SLC13A5: variants seen among roughly 807,000 people sequenced by gnomAD.
SLC13A5 encodes the protein solute carrier family 13 member 5, also known as Na(+)/citrate cotransporter.
Under a neutral mutation model 56.5 loss-of-function variants are expected in SLC13A5, and 25 were observed. The ratio of observed to expected loss-of-function variants is 0.44; its 90% confidence interval spans 0.32 to 0.62. SLC13A5 has a LOEUF of 0.62. Among genes scored for constraint, SLC13A5 ranks in the 20% least tolerant of loss-of-function variants. SLC13A5 has a pLI of 0.04. For missense variants in SLC13A5, 649 were observed against 737.8 expected (o/e 0.88, Z 1.39); for synonymous variants, 307 against 301.5 (o/e 1.02, Z -0.19).
chr17:6,693,003 G>T, intron 9 of SLC13A5, 41 bp downstream of exon 9: 3 of 1,501,306 alleles, frequency 2.0e-6, no homozygotes, highest in Non-Finnish European at 2.8e-6. Flanking sequence ...CCCTCTTGAC[G>T]AAGAAGAGGG....
Position 6,693,394 on chromosome 17 carries a change from G to A in SLC13A5, c.1157-232C>T, listed in dbSNP as rs555830848. ...TATTACACACACTGCCAATAGCATCGTAAATTGGTATGACCTTTTTGAAAA... is the reference window on the plus strand; with the variant it reads ...TATTACACACACTGCCAATAGCATCATAAATTGGTATGACCTTTTTGAAAA... On this transcript the variant is annotated intron_variant, in intron 8 of 11. Coordinates refer to ENST00000433363, the MANE Select transcript of SLC13A5 (RefSeq NM_177550.5). 21 of 397,586 alleles carry A rather than the reference G, an allele frequency of 5.3e-5. 1 individual carries two copies. The highest frequency in any genetic ancestry group is 2.1e-4 in the African/African-American group (10 of 47,904). The allele number at this position is 397,586 out of a possible 1,614,324, so 24.6% of individuals were successfully genotyped here. A position where few individuals can be genotyped will look rare whatever the true frequency, so the allele number is the denominator to read the frequency against.
rs1023124233 is a variant in SLC13A5 at position 6,711,316 on chromosome 17, G to A, written c.102+1916C>T. Among the ~76,000 whole-genome samples, 6 of 152,096 alleles carry A rather than the reference G, an allele frequency of 3.9e-5. No homozygotes were observed. Among genetic ancestry groups the A allele is most frequent in the East Asian group, 3.9e-4 (2 of 5,178 alleles). On this transcript the variant is annotated intron_variant, in intron 1 of 11. Transcript: ENST00000433363. The surrounding 1 kb of genome is among the most constrained non-coding windows in gnomAD (Gnocchi z 4.0). The stretch of plus-strand genomic sequence containing the variant: ...AGGTCCAGGGTCCTCACCCAACCCC[G>A]CCAGAAGGAAAGCTCGTGAAGGCAG...
Position 6,687,669 on chromosome 17 carries a change from G to A in SLC13A5, c.1438-3C>T. 6.3e-7 allele frequency: 1 copy of A among 1,590,148 alleles called. No individual in the cohort carries two copies. Among genetic ancestry groups the A allele is most frequent in the East Asian group, 2.3e-5 (1 of 44,092 alleles). On this transcript the variant is annotated splice_region_variant and splice_polypyrimidine_tract_variant and intron_variant, in intron 10 of 11. Transcript: ENST00000433363. This position sits in a 1 kb window ranked among gnomAD's most constrained non-coding sequence, Gnocchi z 5.0. ...GGATTGAGGCCGATGGAGCGAGACT[G>A]CGGAAAAACAGCACTGCAACATCAC... is the stretch of plus-strand genomic sequence containing the variant.
At chr17:6,698,950 G>A (rs2151490119) in intron 6 of SLC13A5, among the ~76,000 whole-genome samples, 1 of 151,800 alleles carries the variant, frequency 6.6e-6, no homozygotes, top group Admixed American at 6.6e-5. Flanking sequence ...GCTGAGGCAG[G>A]GGGAATTGCT....
At position 6,692,269 on chromosome 17, in the gene SLC13A5, A is replaced by ATGGT. The variant is rs1555541182; in HGVS notation, c.1275+774_1275+775insACCA. Among the ~76,000 whole-genome samples, 33 of 151,962 alleles carry ATGGT rather than the reference A, an allele frequency of 2.2e-4. No individual in the cohort carries two copies. Among genetic ancestry groups the ATGGT allele is most frequent in the African/African-American group, 7.2e-4 (30 of 41,382 alleles). ...GATGGATGGATGGATGGATGGATGG[A>ATGGT]TGGATGGACGGATGGACGGACGGAT... On this transcript the variant is annotated intron_variant, in intron 9 of 11. Coordinates refer to ENST00000433363, the MANE Select transcript of SLC13A5 (RefSeq NM_177550.5). This position sits in a 1 kb window ranked among gnomAD's most constrained non-coding sequence, Gnocchi z 5.5.
At chr17:6,703,399 A>T (rs1973771577) in intron 4 of SLC13A5, among the ~76,000 whole-genome samples, 1 of 152,234 alleles carries the variant, frequency 6.6e-6, no homozygotes, top group South Asian at 2.1e-4. Flanking sequence ...TGGTAAGGGA[A>T]CACGGCAGAC....
At chr17:6,698,476 G>A (rs1331105767) in intron 6 of SLC13A5, among the ~76,000 whole-genome samples, 6 of 152,194 alleles carry the variant, frequency 3.9e-5, no homozygotes, top group Non-Finnish European at 7.3e-5. Flanking sequence ...GGGTTCTAGG[G>A]CAGCCCCGGC....
chr17:6,693,988 C>T (rs1973487186), intron 8 of SLC13A5, 109 bp downstream of exon 8: 1 of 561,268 alleles, frequency 1.8e-6, no homozygotes, highest in Non-Finnish European at 2.9e-6. Context: ...AGCCAATCCT[C>T]TTGGATATGA....
Position 6,693,024 on chromosome 17 carries a change from C to T in SLC13A5, c.1275+20G>A, listed in dbSNP as rs370685367. 12 of 1,596,582 alleles carry T rather than the reference C, an allele frequency of 7.5e-6. No homozygotes were observed. The East Asian group carries it at 2.7e-4, about 36-fold the overall frequency. On this transcript the variant is annotated intron_variant, in intron 9 of 11. Transcript: ENST00000433363. ...TGACGAAGAAGAGGGCTCTGGGCAG[C>T]CTGTGGCTGGAGAAGTTACCTCGGA...
At chr17:6,690,969 C>A in intron 9 of SLC13A5, 29 bp from the exon 10 acceptor site, 1 of 1,572,980 alleles carries the variant, frequency 6.4e-7, no homozygotes, top group South Asian at 1.2e-5. Context: ...GCAGTCATCT[C>A]AGCGCTCCCA....
At chr17:6,696,616 G>A (rs1973568240) in intron 6 of SLC13A5, among the ~76,000 whole-genome samples, 1 of 152,140 alleles carries the variant, frequency 6.6e-6, no homozygotes, top group Admixed American at 6.5e-5. Flanking sequence ...TGAGGAGGCA[G>A]GGAGGAGAGG....
chr17:6,685,449 G>T lies in SLC13A5; in HGVS notation c.*758C>A, dbSNP rs1429927699. ...GCAAATGTTGACCCAGACAACAGGGGACCAAGGAGTTGAAGGAGGCTCACT... is the reference window on the plus strand; with the variant it reads ...GCAAATGTTGACCCAGACAACAGGGTACCAAGGAGTTGAAGGAGGCTCACT... On this transcript the variant is annotated 3_prime_UTR_variant, in exon 12 of 12. Transcript: ENST00000433363. This position sits in a 1 kb window ranked among gnomAD's most constrained non-coding sequence, Gnocchi z 4.2. The T allele has an allele frequency of 6.6e-6, 1 of 152,484 alleles. No individual in the cohort carries two copies. The highest frequency in any genetic ancestry group is 2.4e-5 in the African/African-American group (1 of 41,470). The allele number at this position is 152,484 out of a possible 1,614,324, so 9.4% of individuals were successfully genotyped here. A position where few individuals can be genotyped will look rare whatever the true frequency, so the allele number is the denominator to read the frequency against.
chr17:6,695,918 C>T lies in SLC13A5; in HGVS notation c.863G>A (p.Gly288Glu). Residue 288 changes from glycine (G) to glutamate (E), a missense_variant, in exon 7 of 12, where the codon GGG becomes GAG. Coordinates refer to ENST00000433363, the MANE Select transcript of SLC13A5 (RefSeq NM_177550.5). ...RFNFKKSWGCGLESKKNEKAA... is the reference protein window; with the variant it reads ...RFNFKKSWGCELESKKNEKAA... Reference sequence around the variant, plus strand: ...CTTCTCGTTTTTCTTGCTCTCTAGCCCGCAGCCCCAGGACTTTTTAAAACT... The same window carrying T: ...CTTCTCGTTTTTCTTGCTCTCTAGCTCGCAGCCCCAGGACTTTTTAAAACT... The T allele has an allele frequency of 1.2e-6, 2 of 1,614,002 alleles. No homozygotes were observed. Among genetic ancestry groups the T allele is most frequent in the Non-Finnish European group, 1.7e-6 (2 of 1,180,026 alleles).
intron 6 of SLC13A5, among the ~76,000 whole-genome samples, chr17:6,699,786 A>G (rs898911283): frequency 6.6e-6 from 1 of 151,822 alleles, no homozygotes; most frequent in Non-Finnish European, 1.5e-5. Flanking sequence ...TTGTATTTTT[A>G]GTAGAGACGG....
chr17:6,691,089 T>C, intron 9 of SLC13A5, 149 bp from the exon 10 acceptor site: 1 of 871,280 alleles, frequency 1.1e-6, no homozygotes, highest in Admixed American at 3.0e-5. Context: ...TTCATCCCCG[T>C]CCTCACTCTG....
Position 6,687,535 on chromosome 17 carries a change from A to T in SLC13A5, c.1569T>A (p.Ala523=). The change falls in exon 11 of 12, where the codon GCT becomes GCA. Residue 523 remains alanine, a synonymous_variant. Coordinates refer to ENST00000433363, the MANE Select transcript of SLC13A5 (RefSeq NM_177550.5). This position sits in a 1 kb window ranked among gnomAD's most constrained non-coding sequence, Gnocchi z 5.0. ...ATAAAAACAGCTGTGTTACCATGTC[A>T]GCAACCTTGAGGTGCCCATAGGTGA... The part of the protein sequence containing the change: ...IVFTYGHLKV[A]DMVKTGVIMN... 1 of 1,613,738 alleles carries T rather than the reference A, an allele frequency of 6.2e-7. No individual in the cohort carries two copies. Among genetic ancestry groups the T allele is most frequent in the Non-Finnish European group, 8.5e-7 (1 of 1,179,908 alleles).
rs72836208 is a variant in SLC13A5 at position 6,703,999 on chromosome 17, C to A, written c.426G>T (p.Thr142=). ...TALLSMWISN[T]ATTAMMVPIV... ...TGGGCACCATCATGGCCGTGGTTGC[C>A]GTGTTACTGATCCACATGGACAGGA... Residue 142 remains threonine (T), a synonymous_variant, in exon 4 of 12, where the codon ACG becomes ACT. Transcript: ENST00000433363. The A allele has an allele frequency of 6.8e-6, 11 of 1,613,162 alleles. No homozygotes were observed. The African/African-American group carries it at 9.3e-5, about 14-fold the overall frequency.
intron 7 of SLC13A5, 194 bp downstream of exon 7, chr17:6,695,532 G>A (rs1305159557): frequency 3.7e-6 from 2 of 541,070 alleles, no homozygotes; most frequent in Non-Finnish European, 3.3e-6. Flanking sequence ...TGGGACTACA[G>A]GCATGTGCCA....
At chr17:6,690,060 GC>G (rs1973355614) in intron 10 of SLC13A5, 4 of 7,946 alleles carry the variant, frequency 5.0e-4, no homozygotes, top group African/African-American at 1.4e-3. Flanking sequence ...AGAAGGAAAT[GC>G]AAAAAAAAAA....
Sources: allele counts gnomAD v4.1 joint callset (sites outside exome capture counted in the v4.1 genomes callset), GRCh38; gene constraint gnomAD v4.1.1; non-coding constraint Gnocchi (gnomAD v3.1); transcripts MANE v1.5; gene names NCBI Gene and HGNC (gene_info 2026-07-23, HGNC 2026-07-21).